PADI6: variants seen among roughly 807,000 people sequenced by gnomAD.
The protein encoded by PADI6 is peptidyl arginine deiminase 6.
A neutral mutation model predicts 78.2 loss-of-function variants in PADI6; 66 were observed. That is an observed-to-expected ratio of 0.84 (90% CI 0.69 to 1.04). PADI6 has a LOEUF of 1.04. Ranked by LOEUF, PADI6 falls within the 50% of genes least tolerant of loss-of-function variation. PADI6 has a pLI of 0.00. For missense variants in PADI6, 854 were observed against 866.1 expected (o/e 0.99, Z 0.18); for synonymous variants, 397 against 346.9 (o/e 1.14, Z -1.60).
At chr1:17,373,272 G>T (rs760300459) in intron 2 of PADI6, 39 bp downstream of exon 2, 57 of 1,604,244 alleles carry the variant, frequency 3.6e-5, no homozygotes, top group Non-Finnish European at 4.9e-5. Flanking sequence ...ATCTCCCGGG[G>T]TGGGACCTAG....
At position 17,381,581 on chromosome 1, in the gene PADI6, C is replaced by T. The variant is rs753112655; in HGVS notation, c.554-386C>T. 3.9e-5 allele frequency among the ~76,000 whole-genome samples: 6 copies of T among 152,304 alleles called. No individual in the cohort carries two copies. The South Asian group carries it at 8.3e-4, about 21-fold the overall frequency. On this transcript the variant is annotated intron_variant, in intron 5 of 15. Transcript: ENST00000619609. ...ACCTTGGACTGTCTTGGGTAAAATT[C>T]GCCTTGGATCCTGACTTGCGGTTGG...
intron 14 of PADI6, among the ~76,000 whole-genome samples, chr1:17,397,846 G>A (rs1427623212): frequency 7.9e-5 from 12 of 152,104 alleles, no homozygotes; most frequent in Non-Finnish European, 1.2e-4. Context: ...TCCATTTCCC[G>A]GAAAATGACA....
chr1:17,401,380 C>T lies in PADI6; in HGVS notation c.2027C>T (p.Ala676Val). 2 of 1,614,082 alleles carry T rather than the reference C, an allele frequency of 1.2e-6. No individual in the cohort carries two copies. Among genetic ancestry groups the T allele is most frequent in the Non-Finnish European group, 1.7e-6 (2 of 1,179,912 alleles). Residue 676 changes from alanine to valine, a missense_variant, in exon 16 of 16, where the codon GCC becomes GTC. Physicochemically the swap from Ala to Val is moderately conservative, Grantham distance 64 (BLOSUM62 0). Transcript: ENST00000619609. Reference sequence around the variant, plus strand: ...CTGACAGAGGTCGGAGACATCTGTGCCTGTGCCAACATCCGCCGGGTGCCC... The same window carrying T: ...CTGACAGAGGTCGGAGACATCTGTGTCTGTGCCAACATCCGCCGGGTGCCC... Reference protein sequence around the residue: ...CYLTEVGDICACANIRRVPFA... With the variant: ...CYLTEVGDICVCANIRRVPFA...
In PADI6 at chr1:17,398,673, C is replaced by A. The variant is rs1472500417; in HGVS notation, c.1690-13C>A. 4 of 300,128 alleles carry A rather than the reference C, an allele frequency of 1.3e-5. No individual in the cohort carries two copies. Among genetic ancestry groups the A allele is most frequent in the South Asian group, 3.3e-5 (1 of 30,566 alleles). The allele number at this position is 300,128 out of a possible 1,614,324, so 18.6% of individuals were successfully genotyped here. On this transcript the variant is annotated splice_polypyrimidine_tract_variant and intron_variant, in intron 14 of 15. Transcript: ENST00000619609. ...TCCCCCGCCCCCCCCCCCACCCACC[C>A]ACCCACCCACAGAAGTGCATTCACC...
chr1:17,388,469 T>G lies in PADI6; in HGVS notation c.768T>G (p.Thr256=). The G allele has an allele frequency of 6.2e-7, 1 of 1,613,754 alleles. No individual in the cohort carries two copies. Among genetic ancestry groups the G allele is most frequent in the Non-Finnish European group, 8.5e-7 (1 of 1,179,752 alleles). The change falls in exon 7 of 16, where the codon ACT becomes ACG. Residue 256 remains threonine, a synonymous_variant. Transcript: ENST00000619609. Reference sequence around the variant, plus strand: ...TCCTCGGGAACCACTTGAAGGAGACTTTCTACGTTGAAGCTATAGCATTCC... The same window carrying G: ...TCCTCGGGAACCACTTGAAGGAGACGTTCTACGTTGAAGCTATAGCATTCC... The part of the protein sequence containing the change: ...LALLGNHLKE[T]FYVEAIAFPS...
At chr1:17,372,988 A>G (rs2074977018) in intron 1 of PADI6, 68 bp from the exon 2 acceptor site, 2 of 1,511,666 alleles carry the variant, frequency 1.3e-6, no homozygotes, top group East Asian at 2.3e-5. Flanking sequence ...CCCCTCCCCC[A>G]TGCCAGTCAT....
intron 13 of PADI6, 110 bp downstream of exon 13, chr1:17,395,773 A>G (rs2075240356): frequency 2.2e-6 from 3 of 1,393,846 alleles, no homozygotes; most frequent in Non-Finnish European, 2.9e-6. Flanking sequence ...AGGGAAGCAC[A>G]GAAGCTGTTG....
chr1:17,389,245 G>T (rs759964189), intron 8 of PADI6, among the ~76,000 whole-genome samples: 34 of 152,232 alleles, frequency 2.2e-4, no homozygotes, highest in Non-Finnish European at 1.0e-4. Flanking sequence ...GGAAGGGGCG[G>T]TGTGGGGATG....
intron 1 of PADI6, among the ~76,000 whole-genome samples, chr1:17,372,714 G>A (rs2074973885): frequency 6.6e-6 from 1 of 152,174 alleles, no homozygotes; most frequent in Admixed American, 6.5e-5. Context: ...TGACTCAGCA[G>A]GGTCACAGTA....
At chr1:17,379,651 G>A (rs1044586138) in intron 3 of PADI6, among the ~76,000 whole-genome samples, 2 of 152,210 alleles carry the variant, frequency 1.3e-5, no homozygotes, top group African/African-American at 4.8e-5. Context: ...AGGCTGAAAG[G>A]CATGAGATGG....
intron 1 of PADI6, 42 bp from the exon 2 acceptor site, chr1:17,373,014 G>GGCGA: frequency 6.3e-7 from 1 of 1,589,018 alleles, no homozygotes; most frequent in Non-Finnish European, 8.6e-7. Flanking sequence ...AGGCTGAGAA[G>GGCGA]GTGTTTGTGC....
At chr1:17,400,218 A>T (rs2100330809) in intron 15 of PADI6, among the ~76,000 whole-genome samples, 1 of 152,104 alleles carries the variant, frequency 6.6e-6, no homozygotes, top group East Asian at 1.9e-4. Flanking sequence ...CAAAAAAAAA[A>T]AAAAACATTC....
intron 14 of PADI6, among the ~76,000 whole-genome samples, chr1:17,397,416 A>G (rs1157044001): frequency 6.6e-5 from 10 of 152,184 alleles, no homozygotes; most frequent in Non-Finnish European, 2.9e-5. Flanking sequence ...GGAAGTGGGT[A>G]ACACAGCTTT....
Position 17,401,549 on chromosome 1 carries a change from A to G in PADI6, c.*111A>G. On this transcript the variant is annotated 3_prime_UTR_variant, in exon 16 of 16. Coordinates refer to ENST00000619609, the MANE Select transcript of PADI6 (RefSeq NM_207421.4). ...GAGGCTGGAGAGTCCAGGCAACAGA[A>G]CCCTTTCTTCCCTGTCTGCCCCGAC... 5 of 1,024,716 alleles carry G rather than the reference A, an allele frequency of 4.9e-6. No individual in the cohort carries two copies. Among genetic ancestry groups the G allele is most frequent in the Non-Finnish European group, 7.1e-6 (5 of 705,594 alleles). 63.5% of individuals were successfully genotyped at this position (1,024,716 alleles called of 1,614,324 possible).
At chr1:17,397,283 G>C in intron 14 of PADI6, 142 bp downstream of exon 14, 1 of 878,874 alleles carries the variant, frequency 1.1e-6, no homozygotes, top group Admixed American at 2.3e-5. Context: ...TCCAGGTCTT[G>C]ATACAGGCCC....
chr1:17,388,257 C>A (rs1241697822), intron 6 of PADI6, 124 bp from the exon 7 acceptor site: 13 of 901,894 alleles, frequency 1.4e-5, no homozygotes, highest in Non-Finnish European at 2.1e-5. Context: ...GCCATTTCAG[C>A]TCCAGCCCTC....
intron 6 of PADI6, among the ~76,000 whole-genome samples, chr1:17,386,721 C>T (rs542013309): frequency 6.6e-6 from 1 of 152,348 alleles, no homozygotes; most frequent in East Asian, 1.9e-4. Context: ...AGGACTGAGG[C>T]TGGGCCTGTA....
At chr1:17,384,242 A>G (rs947283719) in intron 6 of PADI6, among the ~76,000 whole-genome samples, 3 of 152,204 alleles carry the variant, frequency 2.0e-5, no homozygotes, top group African/African-American at 4.8e-5. Context: ...TGAACCACAA[A>G]AAGATACAGC....
intron 15 of PADI6, among the ~76,000 whole-genome samples, chr1:17,399,086 A>G (rs1002051927): frequency 6.6e-6 from 1 of 152,134 alleles, no homozygotes; most frequent in African/African-American, 2.4e-5. Flanking sequence ...GCCCTGGGCC[A>G]GGTGCTTTAG....
Sources: allele counts gnomAD v4.1 joint callset (sites outside exome capture counted in the v4.1 genomes callset), GRCh38; gene constraint gnomAD v4.1.1; transcripts MANE v1.5; gene names NCBI Gene and HGNC (gene_info 2026-07-23, HGNC 2026-07-21).